Variants in RALYL observed in about 807,000 individuals in gnomAD.
RALYL encodes the protein RALY RNA binding protein like.
RALYL carries 29 observed loss-of-function variants against 35.1 expected under a neutral mutation model. The observed-to-expected ratio is 0.83, with a 90% CI of 0.61 to 1.13. RALYL has a LOEUF of 1.13. Among genes scored for constraint, RALYL ranks in the 50% most tolerant of loss-of-function variants. The probability of loss-of-function intolerance (pLI) is 0.00; values close to 1 mark genes in which losing one functional copy is unlikely to be tolerated. For synonymous variants in RALYL, 120 were observed against 127.6 expected (o/e 0.94, Z 0.40); for missense variants, 359 against 360.4 (o/e 1.00, Z 0.03).
At chr8:84,712,139 T>G (rs1842291219) in intron 2 of RALYL, among the ~76,000 whole-genome samples, 1 of 152,182 alleles carries the variant, frequency 6.6e-6, no homozygotes, top group Non-Finnish European at 1.5e-5. Context: ...TGCAATGTCT[T>G]CAGCCCTTTT....
At chr8:84,267,659 A>C (rs1471981325) in intron 1 of RALYL, among the ~76,000 whole-genome samples, 2 of 152,196 alleles carry the variant, frequency 1.3e-5, no homozygotes, top group African/African-American at 4.8e-5. Flanking sequence ...CTACCAAGAA[A>C]GCCACACCCT....
At chr8:84,427,517 T>G (rs572562406) in intron 1 of RALYL, among the ~76,000 whole-genome samples, 3 of 152,346 alleles carry the variant, frequency 2.0e-5, no homozygotes, top group African/African-American at 7.2e-5. Flanking sequence ...TGACCCACAG[T>G]ATGATATCAA....
At chr8:84,609,529 A>C (rs1448108724) in intron 2 of RALYL, among the ~76,000 whole-genome samples, 1 of 152,134 alleles carries the variant, frequency 6.6e-6, no homozygotes, top group African/African-American at 2.4e-5. Context: ...AGAAGGTGCA[A>C]ATTCACTATA....
chr8:84,728,191 C>T (rs867820309), intron 2 of RALYL, among the ~76,000 whole-genome samples: 1,908 of 151,062 alleles, frequency 0.013, 45 homozygotes, highest in African/African-American at 0.044. Context: ...TGGTATCTCA[C>T]TGTGGTTTTG....
chr8:84,641,380 G>T (rs1826284691), intron 2 of RALYL, among the ~76,000 whole-genome samples: 1 of 151,630 alleles, frequency 6.6e-6, no homozygotes. Flanking sequence ...CTATTTGTCA[G>T]ATGTTAGCAT....
intron 4 of RALYL, among the ~76,000 whole-genome samples, chr8:84,817,264 T>C (rs1194026647): frequency 1.3e-5 from 2 of 152,162 alleles, no homozygotes; most frequent in African/African-American, 4.8e-5. Context: ...ACTTCTGCTG[T>C]TATGAAAACT....
At chr8:84,380,665 G>C (rs1366575022) in intron 1 of RALYL, among the ~76,000 whole-genome samples, 1 of 151,950 alleles carries the variant, frequency 6.6e-6, no homozygotes, top group African/African-American at 2.4e-5. Context: ...ACGAAAAGGA[G>C]CAGATGCTTG....
chr8:84,302,019 C>A (rs913929569), intron 1 of RALYL, among the ~76,000 whole-genome samples: 2 of 152,046 alleles, frequency 1.3e-5, no homozygotes, highest in African/African-American at 4.8e-5. Flanking sequence ...AATTACAAAT[C>A]AAGTCTTTAC....
At chr8:84,353,442 A>G (rs535308640) in intron 1 of RALYL, among the ~76,000 whole-genome samples, 1 of 150,430 alleles carries the variant, frequency 6.6e-6, no homozygotes, top group Non-Finnish European at 1.5e-5. Context: ...CTCTTCTTTT[A>G]CACTATTTTC....
chr8:84,271,066 A>G (rs1323173765), intron 1 of RALYL, among the ~76,000 whole-genome samples: 1 of 152,148 alleles, frequency 6.6e-6, no homozygotes, highest in Non-Finnish European at 1.5e-5. Context: ...ACTTTATCAA[A>G]TTAAAAATAT....
chr8:84,631,984 C>T (rs937168592), intron 2 of RALYL, among the ~76,000 whole-genome samples: 1 of 151,726 alleles, frequency 6.6e-6, no homozygotes, highest in Non-Finnish European at 1.5e-5. Context: ...TTCCACCCCA[C>T]CCCCCTGCCA....
chr8:84,523,463 A>T (rs2058627828), intron 1 of RALYL, among the ~76,000 whole-genome samples: 1 of 152,076 alleles, frequency 6.6e-6, no homozygotes, highest in African/African-American at 2.4e-5. Flanking sequence ...GACAATCCAT[A>T]TCACCTGGGT....
At chr8:84,304,107 TTTTG>T (rs771335448) in intron 1 of RALYL, among the ~76,000 whole-genome samples, 2 of 151,904 alleles carry the variant, frequency 1.3e-5, no homozygotes, top group African/African-American at 2.4e-5. Context: ...TTTTTTAAAG[TTTTG>T]TTTGTTTATT....
intron 8 of RALYL, among the ~76,000 whole-genome samples, chr8:84,919,688 A>G (rs1244924408): frequency 6.6e-6 from 1 of 152,140 alleles, no homozygotes; most frequent in Non-Finnish European, 1.5e-5. Context: ...ATATCAAAAT[A>G]CAGTGTCAAA....
intron 2 of RALYL, among the ~76,000 whole-genome samples, chr8:84,675,163 G>C (rs371402245): frequency 6.6e-6 from 1 of 151,922 alleles, no homozygotes; most frequent in African/African-American, 2.4e-5. Flanking sequence ...TTTTCTGAAG[G>C]CTTAGCAAAT....
chr8:84,920,769 A>G (rs1849203803), intron 8 of RALYL, 125 bp from the exon 9 acceptor site: 1 of 417,152 alleles, frequency 2.4e-6, no homozygotes, highest in Non-Finnish European at 4.3e-6. Context: ...TGTCCTAAAT[A>G]TCTAATTCTT....
chr8:84,235,428 C>A (rs1826293305), intron 1 of RALYL, among the ~76,000 whole-genome samples: 1 of 152,174 alleles, frequency 6.6e-6, no homozygotes, highest in East Asian at 1.9e-4. Context: ...TTTCAGATTG[C>A]CAATTATGGC....
chr8:84,737,972 T>C (rs760208560), intron 2 of RALYL, among the ~76,000 whole-genome samples: 24 of 152,024 alleles, frequency 1.6e-4, no homozygotes, highest in African/African-American at 5.3e-4. Context: ...TGTTTTTCTA[T>C]AGAAGCCCAA....
At chr8:84,736,003 A>C (rs1411340489) in intron 2 of RALYL, among the ~76,000 whole-genome samples, 3 of 152,056 alleles carry the variant, frequency 2.0e-5, no homozygotes, top group African/African-American at 7.2e-5. Flanking sequence ...AGGTTCTAAG[A>C]TATTCTCCCA....
Sources: allele counts gnomAD v4.1 joint callset (sites outside exome capture counted in the v4.1 genomes callset), GRCh38; gene constraint gnomAD v4.1.1; transcripts MANE v1.5; gene names NCBI Gene and HGNC (gene_info 2026-07-23, HGNC 2026-07-21).